Variants in DLG2 observed in about 807,000 individuals in gnomAD.
DLG2 encodes the protein disks large homolog 2.
DLG2 carries 45 observed loss-of-function variants against 132.5 expected under a neutral mutation model. That is an observed-to-expected ratio of 0.34 (90% CI 0.27 to 0.44). DLG2 has a LOEUF of 0.44. Among genes scored for constraint, DLG2 ranks in the 20% least tolerant of loss-of-function variants. The pLI is 1.00. For synonymous variants in DLG2, 424 were observed against 419.6 expected, an observed-to-expected ratio of 1.01 and a Z score of -0.13; for missense variants, 1,045 against 1,196.9, an observed-to-expected ratio of 0.87 and a Z score of 1.87.
chr11:84,546,580 A>T, intron 6 of DLG2: 1 of 451,884 alleles, frequency 2.2e-6, no homozygotes, highest in Admixed American at 2.8e-5. Flanking sequence ...CTCTTGAGAC[A>T]ACTGTCTTTG....
At chr11:84,346,880 G>T (rs533374317) in intron 7 of DLG2, among the ~76,000 whole-genome samples, 1 of 152,166 alleles carries the variant, frequency 6.6e-6, no homozygotes, top group South Asian at 2.1e-4. Context: ...GAAAATTTGG[G>T]TTTCACTGTC....
At chr11:83,581,195 C>CT (rs2096969194) in intron 19 of DLG2, among the ~76,000 whole-genome samples, 1 of 152,036 alleles carries the variant, frequency 6.6e-6, no homozygotes, top group Non-Finnish European at 1.5e-5. Context: ...TCCTGCCCTT[C>CT]TGTCCATTCC....
intron 8 of DLG2, among the ~76,000 whole-genome samples, chr11:84,193,509 T>A (rs910318184): frequency 1.3e-5 from 2 of 152,234 alleles, no homozygotes; most frequent in South Asian, 2.1e-4. Context: ...GAAGTGTTCA[T>A]TGTTATTATA....
At chr11:85,564,073 G>A (rs2077399760) in intron 3 of DLG2, among the ~76,000 whole-genome samples, 1 of 151,966 alleles carries the variant, frequency 6.6e-6, no homozygotes, top group South Asian at 2.1e-4. Context: ...GTGCTTACTT[G>A]CCATTAGAAT....
At chr11:84,842,055 T>C (rs931600655) in intron 6 of DLG2, among the ~76,000 whole-genome samples, 15 of 151,890 alleles carry the variant, frequency 9.9e-5, no homozygotes, top group Admixed American at 2.0e-4. Flanking sequence ...TCTGAAATGG[T>C]TATATGTATT....
chr11:85,578,881 GT>G (rs1048383160), intron 3 of DLG2, among the ~76,000 whole-genome samples: 2 of 152,098 alleles, frequency 1.3e-5, no homozygotes, highest in African/African-American at 4.8e-5. Context: ...TCATTACTGG[GT>G]ATATACCCAA....
At chr11:85,078,749 A>G (rs1003962720) in intron 6 of DLG2, among the ~76,000 whole-genome samples, 2 of 152,126 alleles carry the variant, frequency 1.3e-5, no homozygotes, top group Non-Finnish European at 2.9e-5. Flanking sequence ...TTAAACCTTC[A>G]TAGGTTAAGA....
At chr11:84,927,428 G>T (rs527275668) in intron 6 of DLG2, among the ~76,000 whole-genome samples, 1 of 151,942 alleles carries the variant, frequency 6.6e-6, no homozygotes. Flanking sequence ...CTGAGGGTGG[G>T]AATCAGGAAT....
At chr11:84,056,372 C>A (rs1401977804) in intron 11 of DLG2, among the ~76,000 whole-genome samples, 5 of 152,092 alleles carry the variant, frequency 3.3e-5, no homozygotes, top group Non-Finnish European at 5.9e-5. Context: ...ATCCTCTGGA[C>A]CATTTTGTCT....
At chr11:85,305,415 C>A (rs1422575175) in intron 3 of DLG2, among the ~76,000 whole-genome samples, 2 of 152,164 alleles carry the variant, frequency 1.3e-5, no homozygotes, top group Non-Finnish European at 2.9e-5. Flanking sequence ...TAAACACAAG[C>A]GCAACTACAG....
At chr11:84,588,862 C>T (rs1381694903) in intron 6 of DLG2, among the ~76,000 whole-genome samples, 9 of 151,460 alleles carry the variant, frequency 5.9e-5, no homozygotes, top group Admixed American at 5.3e-4. Flanking sequence ...TCTTTTATTC[C>T]TCTACTTTCT....
At chr11:84,528,166 A>G (rs944515454) in intron 7 of DLG2, among the ~76,000 whole-genome samples, 1 of 152,170 alleles carries the variant, frequency 6.6e-6, no homozygotes, top group Non-Finnish European at 1.5e-5. Context: ...AAGTGAGAAG[A>G]CCTAAACTGA....
At position 84,873,358 on chromosome 11, in the gene DLG2, C is replaced by T. The variant is rs142567274; in HGVS notation, c.357+238303G>A. 4.5e-3 allele frequency among the ~76,000 whole-genome samples: 685 copies of T among 152,324 alleles called. 6 individuals carry two copies. Among genetic ancestry groups the T allele is most frequent in the South Asian group, 0.019 (91 of 4,826 alleles). The stretch of plus-strand genomic sequence containing the variant: ...AAGAAAACAGATTCTCTCCCAGAAC[C>T]TCCAAAAGGAACACAGCCCTGCTGG... On this transcript the variant is annotated intron_variant, in intron 6 of 27. Coordinates refer to ENST00000376104, the MANE Select transcript of DLG2 (RefSeq NM_001142699.3).
At chr11:84,516,651 A>G (rs1250857965) in intron 7 of DLG2, among the ~76,000 whole-genome samples, 4 of 151,576 alleles carry the variant, frequency 2.6e-5, no homozygotes, top group Non-Finnish European at 4.4e-5. Context: ...ATTAATGCCA[A>G]TTCTTCTCAA....
At chr11:84,340,559 A>G (rs1474912473) in intron 7 of DLG2, among the ~76,000 whole-genome samples, 1 of 152,162 alleles carries the variant, frequency 6.6e-6, no homozygotes, top group Non-Finnish European at 1.5e-5. Flanking sequence ...AGGTATTCTG[A>G]TCCATTTTAC....
intron 19 of DLG2, among the ~76,000 whole-genome samples, chr11:83,563,900 C>T (rs1177476700): frequency 6.6e-6 from 1 of 152,158 alleles, no homozygotes; most frequent in Non-Finnish European, 1.5e-5. Flanking sequence ...TAGTCTCAAG[C>T]ACTTCACTGT....
chr11:84,900,645 A>C (rs2090769833), intron 6 of DLG2, among the ~76,000 whole-genome samples: 1 of 152,092 alleles, frequency 6.6e-6, no homozygotes, highest in South Asian at 2.1e-4. Flanking sequence ...GGTTATTTTC[A>C]TAATAAGAAA....
intron 6 of DLG2, among the ~76,000 whole-genome samples, chr11:85,087,844 C>CAA (rs71465019): frequency 0.056 from 1,199 of 21,382 alleles, 131 homozygotes; most frequent in African/African-American, 0.09. Context: ...GACTCCGTCT[C>CAA]AAAAAAAAAA....
chr11:85,465,152 T>A (rs1295591091), intron 3 of DLG2, among the ~76,000 whole-genome samples: 1 of 146,016 alleles, frequency 6.8e-6, no homozygotes, highest in Non-Finnish European at 1.5e-5. Context: ...ATAAGATTTT[T>A]TTTTTTTTGA....
Sources: gnomAD v4.1 joint callset for allele counts (sites outside exome capture counted in the v4.1 genomes callset) on GRCh38, gnomAD v4.1.1 for gene constraint, MANE v1.5 for transcripts, NCBI Gene and HGNC (gene_info 2026-07-23, HGNC 2026-07-21) for gene names.